Variants in SEMA6A observed in about 807,000 individuals in gnomAD.
SEMA6A encodes semaphorin-6A.
SEMA6A carries 25 observed loss-of-function variants against 96.8 expected under a neutral mutation model. The ratio of observed to expected loss-of-function variants is 0.26; its 90% CI spans 0.19 to 0.36. The LOEUF (loss-of-function observed/expected upper bound fraction) is 0.36, where lower values mean the gene tolerates loss of function less well. Ranked by LOEUF, SEMA6A falls within the 10% of genes least tolerant of loss-of-function variation. The pLI is 1.00. For missense variants in SEMA6A, 1,363 were observed against 1,323.1 expected, an observed-to-expected ratio of 1.03 and a Z score of -0.47; for synonymous variants, 612 against 518.0, an observed-to-expected ratio of 1.18 and a Z score of -2.46.
intron 1 of SEMA6A, among the ~76,000 whole-genome samples, chr5:116,530,793 CCTTTT>C (rs1309208973): frequency 6.6e-6 from 1 of 152,042 alleles, no homozygotes; most frequent in Non-Finnish European, 1.5e-5. Context: ...TACATGCTTG[CCTTTT>C]CTTTAGGTGG....
rs35462997 is a variant in SEMA6A at position 116,447,423 on chromosome 5, G to C, written c.2283C>G (p.Thr761=). The C allele has an allele frequency of 4.6e-4, 742 of 1,614,066 alleles. 5 individuals are homozygous for C. The African/African-American group carries it at 8.8e-3, about 19-fold the overall frequency. The change falls in exon 19 of 19, where the codon ACC becomes ACG. Residue 761 remains threonine (T), a synonymous_variant. Transcript: ENST00000343348. ...DLTALPTPES[T]PTLQQKRKPS... is the part of the protein sequence containing the mutation. ...GCTTCCGCTTCTGCTGCAGCGTTGGGGTTGACTCTGGGGTGGGGAGGGCCG... is the reference window on the plus strand; with the variant it reads ...GCTTCCGCTTCTGCTGCAGCGTTGGCGTTGACTCTGGGGTGGGGAGGGCCG...
Position 116,514,720 on chromosome 5 carries a change from T to C in SEMA6A, c.-38-9738A>G, listed in dbSNP as rs150750794. Among the ~76,000 whole-genome samples the C allele has an allele frequency of 6.2e-4, 95 of 152,294 alleles. 1 individual carries two copies. Among genetic ancestry groups the C allele is most frequent in the African/African-American group, 1.9e-3 (78 of 41,556 alleles). On this transcript the variant is annotated intron_variant, in intron 1 of 18. Transcript: ENST00000343348. ...CAGAAGGGAGCCAAAATTCATTCAC[T>C]TCTCCTTGGCTTGCTGCCTGATGTT...
At chr5:116,565,919 G>A (rs1330242952) in intron 1 of SEMA6A, among the ~76,000 whole-genome samples, 1 of 152,136 alleles carries the variant, frequency 6.6e-6, no homozygotes, top group Non-Finnish European at 1.5e-5. Flanking sequence ...TAGGAGTCTG[G>A]GGGAGGGGCG....
At chr5:116,516,921 A>C (rs1184978841) in intron 1 of SEMA6A, among the ~76,000 whole-genome samples, 2 of 152,282 alleles carry the variant, frequency 1.3e-5, no homozygotes, top group Non-Finnish European at 2.9e-5. Flanking sequence ...CATCTGGAGG[A>C]ATCATTTTGG....
At chr5:116,459,834 T>G (rs1755262646) in intron 18 of SEMA6A, among the ~76,000 whole-genome samples, 1 of 152,140 alleles carries the variant, frequency 6.6e-6, no homozygotes, top group African/African-American at 2.4e-5. Context: ...TGTCTGAATA[T>G]CAGGTTTATG....
chr5:116,503,116 C>T (rs948122148), intron 2 of SEMA6A, among the ~76,000 whole-genome samples: 1 of 152,122 alleles, frequency 6.6e-6, no homozygotes, highest in Non-Finnish European at 1.5e-5. Flanking sequence ...AACATCTCTG[C>T]CTTTACACCT....
chr5:116,444,431 T>C lies in SEMA6A; in HGVS notation c.*2182A>G, dbSNP rs2112560342. 1 of 152,310 alleles carries C rather than the reference T, an allele frequency of 6.6e-6. No homozygotes were observed. The highest frequency in any genetic ancestry group is 1.9e-4 in the East Asian group (1 of 5,168). The allele number at this position is 152,310 out of a possible 1,614,324, so 9.4% of individuals were successfully genotyped here. A position where few individuals can be genotyped will look rare whatever the true frequency, so the allele number is the denominator to read the frequency against. Reference sequence around the variant, plus strand: ...TGTCAGTCTTTTTTTGAATTCTTTTTAAAGACAAAACTAAACCCAGAAGAT... The same window carrying C: ...TGTCAGTCTTTTTTTGAATTCTTTTCAAAGACAAAACTAAACCCAGAAGAT... On this transcript the variant is annotated 3_prime_UTR_variant, in exon 19 of 19. Coordinates refer to ENST00000343348, the MANE Select transcript of SEMA6A (RefSeq NM_020796.5).
intron 2 of SEMA6A, among the ~76,000 whole-genome samples, chr5:116,502,859 CCT>C (rs1757953110): frequency 6.6e-6 from 1 of 152,186 alleles, no homozygotes; most frequent in African/African-American, 2.4e-5. Context: ...GAAGGCAGCC[CCT>C]GAGAGGTTGG....
rs1253021148 is a variant in SEMA6A, at chr5:116,492,726, TAG to T, written c.445-898_445-897del. ...AAAATTAATATAGATCAGGGCATGGTAGAGAGGCAGATACTGAAAATTTGTCA... is the reference window on the plus strand; with the variant it reads ...AAAATTAATATAGATCAGGGCATGGTAGAGGCAGATACTGAAAATTTGTCA... On this transcript the variant is annotated intron_variant, in intron 6 of 18. Transcript: ENST00000343348. Among the ~76,000 whole-genome samples the T allele has an allele frequency of 2.0e-5, 3 of 152,322 alleles. No individual in the cohort carries two copies. In the East Asian group the frequency reaches 5.8e-4, roughly 29 times the overall value.
At chr5:116,458,693 G>C (rs1755172035) in intron 18 of SEMA6A, among the ~76,000 whole-genome samples, 1 of 152,128 alleles carries the variant, frequency 6.6e-6, no homozygotes. Flanking sequence ...CAGGCAGGCA[G>C]AGAGATGAAA....
chr5:116,460,445 G>C (rs1755309963), intron 18 of SEMA6A, among the ~76,000 whole-genome samples: 1 of 152,030 alleles, frequency 6.6e-6, no homozygotes, highest in African/African-American at 2.4e-5. Flanking sequence ...ATATAAATTA[G>C]ATCTTATATA....
intron 3 of SEMA6A, 66 bp downstream of exon 3, chr5:116,502,144 C>G (rs1042486300): frequency 9.1e-6 from 11 of 1,207,222 alleles, no homozygotes; most frequent in Non-Finnish European, 1.3e-5. Context: ...TAATGCATAG[C>G]TGGTAAATTT....
chr5:116,519,686 CACACACGCACACACAT>C (rs1758840966), intron 1 of SEMA6A, among the ~76,000 whole-genome samples: 2 of 149,544 alleles, frequency 1.3e-5, no homozygotes, highest in South Asian at 4.2e-4. Context: ...CACACACACA[CACACACGCACACACAT>C]ACATTATACA....
At chr5:116,450,504 G>C (rs887203716) in intron 18 of SEMA6A, among the ~76,000 whole-genome samples, 2 of 152,190 alleles carry the variant, frequency 1.3e-5, no homozygotes, top group African/African-American at 4.8e-5. Flanking sequence ...TTGCTTCTTA[G>C]CCTTACTTTT....
At position 116,478,543 on chromosome 5, in the gene SEMA6A, T is replaced by C; in HGVS notation, c.1426A>G (p.Lys476Glu). Residue 476 changes from lysine to glutamate, a missense_variant and splice_region_variant, in exon 13 of 19, where the codon AAA becomes GAA. Physicochemically the swap from Lys to Glu is moderately conservative, Grantham distance 56 (BLOSUM62 1). Around this residue, in one of 2 missense-constraint regions of SEMA6A, gnomAD observed 883 missense variants for 763.6 expected, o/e 1.16. Coordinates refer to ENST00000343348, the MANE Select transcript of SEMA6A (RefSeq NM_020796.5). ...GAAAGAACCAAATATTCCACTTACTTTTCAGAGTTGTAAACACTCATCTCC... is the reference window on the plus strand; with the variant it reads ...GAAAGAACCAAATATTCCACTTACTCTTCAGAGTTGTAAACACTCATCTCC... ...LEEMSVYNSE[K>E]CSYDGVEDKR... The C allele has an allele frequency of 6.2e-7, 1 of 1,606,344 alleles. No homozygotes were observed. Among genetic ancestry groups the C allele is most frequent in the Non-Finnish European group, 8.5e-7 (1 of 1,176,590 alleles).
At chr5:116,495,596 C>T (rs979181903) in intron 5 of SEMA6A, 82 bp from the exon 6 acceptor site, 2 of 1,049,420 alleles carry the variant, frequency 1.9e-6, no homozygotes, top group South Asian at 1.5e-5. Context: ...GGTTGGCTGA[C>T]AGTAAGGTTA....
intron 12 of SEMA6A, among the ~76,000 whole-genome samples, chr5:116,479,057 G>T (rs1238871391): frequency 6.6e-6 from 1 of 152,048 alleles, no homozygotes; most frequent in East Asian, 1.9e-4. Context: ...TCTCCTATGA[G>T]GAGGGTAAGA....
Position 116,478,525 on chromosome 5 carries a change from C to T in SEMA6A, c.1427+17G>A. 1 of 1,590,882 alleles carries T rather than the reference C, an allele frequency of 6.3e-7. No individual in the cohort carries two copies. The highest frequency in any genetic ancestry group is 8.6e-7 in the Non-Finnish European group (1 of 1,168,326). On this transcript the variant is annotated intron_variant, in intron 13 of 18. Transcript: ENST00000343348. ...ATAACAAATAATTACTAAGAAAGAACCAAATATTCCACTTACTTTTCAGAG... is the reference window on the plus strand; with the variant it reads ...ATAACAAATAATTACTAAGAAAGAATCAAATATTCCACTTACTTTTCAGAG...
At chr5:116,505,285 C>CA (rs1758092160) in intron 1 of SEMA6A, among the ~76,000 whole-genome samples, 1 of 152,100 alleles carries the variant, frequency 6.6e-6, no homozygotes, top group South Asian at 2.1e-4. Context: ...ACTCTGCCTT[C>CA]AAAATCACTC....
Sources: allele counts gnomAD v4.1 joint callset (sites outside exome capture counted in the v4.1 genomes callset), GRCh38; gene constraint gnomAD v4.1.1; regional missense constraint gnomAD v4.1.1; transcripts MANE v1.5; gene names NCBI Gene and HGNC (gene_info 2026-07-23, HGNC 2026-07-21).